Variants in KIF25 observed in about 807,000 individuals in gnomAD.
The protein encoded by KIF25 is kinesin family member 25.
In KIF25, 19 loss-of-function variants were observed where a neutral mutation model predicts 32.9. The ratio of observed to expected loss-of-function variants is 0.58; its 90% CI spans 0.40 to 0.85. The LOEUF (loss-of-function observed/expected upper bound fraction) is 0.85. Among genes scored for constraint, KIF25 ranks in the 40% least tolerant of loss-of-function variants. The probability of loss-of-function intolerance (pLI) is 0.00; values close to 1 mark genes in which losing one functional copy is unlikely to be tolerated. For synonymous variants in KIF25, 225 were observed against 213.7 expected, an observed-to-expected ratio of 1.05 and a Z score of -0.46; for missense variants, 485 against 507.0, an observed-to-expected ratio of 0.96 and a Z score of 0.42.
At chr6:168,023,217 A>G (rs1430737109) in intron 5 of KIF25, among the ~76,000 whole-genome samples, 1 of 147,420 alleles carries the variant, frequency 6.8e-6, no homozygotes, top group Admixed American at 6.8e-5. Context: ...CAAGCCTTCT[A>G]CCCAGCCTTT....
chr6:168,017,683 A>G (rs574161471), intron 4 of KIF25, among the ~76,000 whole-genome samples: 11 of 152,180 alleles, frequency 7.2e-5, no homozygotes, highest in Non-Finnish European at 1.5e-4. Context: ...TGTGTTCCCC[A>G]GTAGATGCGA....
chr6:168,019,632 C>T (rs553638514), intron 5 of KIF25, among the ~76,000 whole-genome samples: 89 of 152,200 alleles, frequency 5.8e-4, no homozygotes, highest in African/African-American at 2.0e-3. Flanking sequence ...CCCCACAGTG[C>T]GAATGAGCTT....
Position 168,044,957 on chromosome 6 carries a change from G to A in KIF25, c.1116G>A (p.Pro372=), listed in dbSNP as rs139018818. 6.0e-5 allele frequency: 96 copies of A among 1,609,104 alleles called. No homozygotes were observed. The highest frequency in any genetic ancestry group is 5.0e-4 in the Middle Eastern group (3 of 6,060). ...AGCGAGGCCCTGCCCGAAAGAAGCCGCCCAGCTCCCAAACGGAGGGGAAGA... is the reference window on the plus strand; with the variant it reads ...AGCGAGGCCCTGCCCGAAAGAAGCCACCCAGCTCCCAAACGGAGGGGAAGA... The part of the protein sequence containing the change: ...QVQRGPARKK[P]PSSQTEGKRR... The change falls in exon 13 of 13, where the codon CCG becomes CCA. Residue 372 remains proline, a synonymous_variant. Coordinates refer to ENST00000643607, the MANE Select transcript of KIF25 (RefSeq NM_030615.4).
chr6:168,031,788 A>G (rs1448763950), intron 7 of KIF25, among the ~76,000 whole-genome samples: 1 of 152,214 alleles, frequency 6.6e-6, no homozygotes, highest in African/African-American at 2.4e-5. Context: ...TGCGAAACAG[A>G]TGGAGTTAGT....
At chr6:168,005,923 T>C (rs59793339) in intron 4 of KIF25, among the ~76,000 whole-genome samples, 19,396 of 152,198 alleles carry the variant, frequency 0.13, 1,681 homozygotes, top group East Asian at 0.45. Context: ...CTGATCAAGT[T>C]GACGCTCGGT....
intron 8 of KIF25, chr6:168,035,946 G>A (rs543628893): frequency 5.8e-6 from 2 of 347,806 alleles, no homozygotes; most frequent in Admixed American, 6.8e-5. Context: ...GGCCAGGGCT[G>A]GGGGTGAGCT....
chr6:168,041,908 A>G, intron 10 of KIF25, 61 bp from the exon 11 acceptor site: 1 of 1,502,218 alleles, frequency 6.7e-7, no homozygotes, highest in Admixed American at 2.0e-5. Context: ...ACTGAGGCAA[A>G]GCACAGCCTC....
chr6:168,024,423 C>CTTTTTTTTTTT (rs56243912), intron 5 of KIF25, among the ~76,000 whole-genome samples: 3 of 61,992 alleles, frequency 4.8e-5, no homozygotes, highest in African/African-American at 1.4e-4. Flanking sequence ...AAACCTCTCT[C>CTTTTTTTTTTT]TTTTTTTTTT....
Position 168,038,614 on chromosome 6 carries a change from A to C in KIF25, c.379A>C (p.Asn127His), listed in dbSNP as rs778503468. 6.2e-7 allele frequency: 1 copy of C among 1,614,200 alleles called. No individual in the cohort carries two copies. The highest frequency in any genetic ancestry group is 2.2e-5 in the East Asian group (1 of 44,886). Residue 127 changes from asparagine (N) to histidine (H), a missense_variant, in exon 9 of 13, where the codon AAT (asparagine) becomes CAT (histidine). This residue lies in a region of KIF25 where 480 missense variants were observed against 470.3 expected (regional missense o/e 1.02). Coordinates refer to ENST00000643607, the MANE Select transcript of KIF25 (RefSeq NM_030615.4). ...TGAAGTCTCCATAGTGGAAGTTTAC[A>C]ATAATGACATTTTTGACCTTCTGGC... ...KVEVSIVEVYNNDIFDLLAKD... is the reference protein window; with the variant it reads ...KVEVSIVEVYHNDIFDLLAKD...
chr6:168,018,467 A>G (rs899337991), intron 5 of KIF25, among the ~76,000 whole-genome samples: 1 of 152,216 alleles, frequency 6.6e-6, no homozygotes, highest in Admixed American at 6.5e-5. Flanking sequence ...TCAACCTACA[A>G]TGGGTTTCTC....
Position 168,029,488 on chromosome 6 carries a change from A to G in KIF25, c.-94-4A>G. The G allele has an allele frequency of 6.5e-7, 1 of 1,532,662 alleles. No individual in the cohort carries two copies. Among genetic ancestry groups the G allele is most frequent in the Non-Finnish European group, 8.8e-7 (1 of 1,140,772 alleles). 94.9% of individuals were successfully genotyped at this position (1,532,662 alleles called of 1,614,324 possible). A position where few individuals can be genotyped will look rare whatever the true frequency, so the allele number is the denominator to read the frequency against. Reference sequence around the variant, plus strand: ...TTACGTTTTCAAGTCATGATCCTTTACAGATATACTGGCCTTCCCAGCTGA... The same window carrying G: ...TTACGTTTTCAAGTCATGATCCTTTGCAGATATACTGGCCTTCCCAGCTGA... On this transcript the variant is annotated splice_polypyrimidine_tract_variant and splice_region_variant and intron_variant, in intron 5 of 12. Transcript: ENST00000643607.
At chr6:168,025,399 A>T (rs1798846364) in intron 5 of KIF25, among the ~76,000 whole-genome samples, 1 of 152,104 alleles carries the variant, frequency 6.6e-6, no homozygotes, top group South Asian at 2.1e-4. Context: ...CCCAACTGGA[A>T]CACGAGCCCC....
intron 4 of KIF25, among the ~76,000 whole-genome samples, chr6:168,006,040 G>A (rs935448107): frequency 2.2e-4 from 34 of 152,230 alleles, no homozygotes; most frequent in African/African-American, 8.0e-4. Flanking sequence ...GCAGGAGGAA[G>A]AGGGGAAGCT....
chr6:168,014,633 G>C (rs1281280175), intron 4 of KIF25, among the ~76,000 whole-genome samples: 1 of 152,200 alleles, frequency 6.6e-6, no homozygotes, highest in African/African-American at 2.4e-5. Context: ...GTTTGAGTTT[G>C]TATTGGACGT....
intron 4 of KIF25, among the ~76,000 whole-genome samples, chr6:168,006,807 A>G (rs1321115079): frequency 6.6e-6 from 1 of 152,226 alleles, no homozygotes; most frequent in Non-Finnish European, 1.5e-5. Context: ...AATCAGTCTG[A>G]TGATGGTTAC....
intron 4 of KIF25, among the ~76,000 whole-genome samples, chr6:168,013,108 T>G (rs1328857237): frequency 6.6e-6 from 1 of 151,872 alleles, no homozygotes; most frequent in African/African-American, 2.4e-5. Flanking sequence ...AGCATGTCTG[T>G]AGGGTGTTGG....
At chr6:168,016,347 T>G (rs1583130715) in intron 4 of KIF25, among the ~76,000 whole-genome samples, 3 of 152,230 alleles carry the variant, frequency 2.0e-5, no homozygotes, top group South Asian at 4.1e-4. Context: ...GACATAAGCT[T>G]CTTCTGTGAA....
At chr6:168,031,453 T>G (rs1798941006) in intron 7 of KIF25, among the ~76,000 whole-genome samples, 2 of 152,178 alleles carry the variant, frequency 1.3e-5, no homozygotes, top group Non-Finnish European at 1.5e-5. Context: ...ACAGCCAACC[T>G]CAAGGAACCT....
chr6:168,005,105 G>A (rs1798561427), intron 4 of KIF25, among the ~76,000 whole-genome samples: 1 of 152,070 alleles, frequency 6.6e-6, no homozygotes, highest in African/African-American at 2.4e-5. Context: ...CCTGTCACAG[G>A]CGAGCTTGGC....
Sources: allele counts gnomAD v4.1 joint callset (sites outside exome capture counted in the v4.1 genomes callset), GRCh38; gene constraint gnomAD v4.1.1; regional missense constraint gnomAD v4.1.1; transcripts MANE v1.5; gene names NCBI Gene and HGNC (gene_info 2026-07-23, HGNC 2026-07-21).